Variants in ANO2 observed in about 807,000 individuals in gnomAD.
The protein encoded by ANO2 is anoctamin 2.
In ANO2, 101 loss-of-function variants were observed where a neutral mutation model predicts 124.2. That is an observed-to-expected ratio of 0.81 (90% confidence interval 0.69 to 0.96). The LOEUF is 0.96. Among genes scored for constraint, ANO2 ranks in the 40% least tolerant of loss-of-function variants. ANO2 has a pLI of 0.00. For missense variants in ANO2, 1,293 were observed against 1,274.5 expected (o/e 1.01, Z -0.22); for synonymous variants, 486 against 482.5 (o/e 1.01, Z -0.09).
At chr12:5,695,546 A>G (rs1949132280) in intron 14 of ANO2, among the ~76,000 whole-genome samples, 1 of 152,240 alleles carries the variant, frequency 6.6e-6, no homozygotes, top group Non-Finnish European at 1.5e-5. Flanking sequence ...ACACTTCTAA[A>G]TAACTCACAG....
chr12:5,759,654 T>C (rs1951682867), intron 10 of ANO2, among the ~76,000 whole-genome samples: 1 of 150,208 alleles, frequency 6.7e-6, no homozygotes, highest in African/African-American at 2.5e-5. Context: ...CCTGATGATC[T>C]GAGGTAGAAC....
At chr12:5,594,362 C>A (rs1840972711) in intron 20 of ANO2, among the ~76,000 whole-genome samples, 1 of 152,214 alleles carries the variant, frequency 6.6e-6, no homozygotes, top group South Asian at 2.1e-4. Context: ...CTCCTCTGCA[C>A]TTGCTGCCCA....
intron 14 of ANO2, among the ~76,000 whole-genome samples, chr12:5,648,684 A>G (rs1946764746): frequency 6.6e-6 from 1 of 152,220 alleles, no homozygotes; most frequent in East Asian, 1.9e-4. Context: ...GTTCTATAAA[A>G]TTAGAATTGA....
At chr12:5,843,935 T>C (rs1954605128) in intron 4 of ANO2, among the ~76,000 whole-genome samples, 1 of 152,134 alleles carries the variant, frequency 6.6e-6, no homozygotes, top group Non-Finnish European at 1.5e-5. Flanking sequence ...GGGCTTATGA[T>C]ATATTTGGAA....
chr12:5,701,863 G>A (rs914174054), intron 14 of ANO2, among the ~76,000 whole-genome samples: 2 of 152,140 alleles, frequency 1.3e-5, no homozygotes, highest in Non-Finnish European at 2.9e-5. Context: ...CCTATTTAGA[G>A]CTTTCTCTAG....
At chr12:5,566,333 G>A (rs916121681) in intron 23 of ANO2, among the ~76,000 whole-genome samples, 6 of 152,162 alleles carry the variant, frequency 3.9e-5, no homozygotes, top group Non-Finnish European at 7.3e-5. Flanking sequence ...AAATGTTAAT[G>A]CCTGACGTGA....
chr12:5,706,259 C>T lies in ANO2; in HGVS notation c.1545+26261G>A, dbSNP rs565653645. Among the ~76,000 whole-genome samples, 17 of 152,316 alleles carry T rather than the reference C, an allele frequency of 1.1e-4. 1 individual carries two copies. The South Asian group carries it at 2.7e-3, about 24-fold the overall frequency. On this transcript the variant is annotated intron_variant, in intron 14 of 24. Coordinates refer to ENST00000682330, the MANE Select transcript of ANO2 (RefSeq NM_001364791.2). ...AAAACTCTGAAGTAGCTGTCCATCTCGCTCAGACTAAAATCCAAAGTTCTG... is the reference window on the plus strand; with the variant it reads ...AAAACTCTGAAGTAGCTGTCCATCTTGCTCAGACTAAAATCCAAAGTTCTG...
chr12:5,713,998 C>G (rs1247660251), intron 14 of ANO2, among the ~76,000 whole-genome samples: 1 of 152,184 alleles, frequency 6.6e-6, no homozygotes, highest in Non-Finnish European at 1.5e-5. Context: ...CTGGAAGAAA[C>G]AAAATCCAGT....
chr12:5,629,528 T>C (rs971311797), intron 16 of ANO2, among the ~76,000 whole-genome samples: 1 of 152,206 alleles, frequency 6.6e-6, no homozygotes, highest in African/African-American at 2.4e-5. Flanking sequence ...TCCTGCCTTA[T>C]CCTCCTACCA....
At chr12:5,649,650 G>A (rs1246587436) in intron 14 of ANO2, among the ~76,000 whole-genome samples, 1 of 152,072 alleles carries the variant, frequency 6.6e-6, no homozygotes, top group African/African-American at 2.4e-5. Context: ...TGTTGCCCAG[G>A]CTAGAGTGCA....
At chr12:5,731,618 C>T (rs1244117131) in intron 14 of ANO2, among the ~76,000 whole-genome samples, 4 of 152,014 alleles carry the variant, frequency 2.6e-5, no homozygotes, top group Non-Finnish European at 4.4e-5. Flanking sequence ...CCCACCCCTC[C>T]TCGCTTTCAA....
chr12:5,575,766 C>T (rs534783377), intron 23 of ANO2, 68 bp downstream of exon 23: 328 of 1,519,212 alleles, frequency 2.2e-4, no homozygotes, highest in Middle Eastern at 8.7e-4. Context: ...AATTCTAGGT[C>T]GTCCCCGTAA....
intron 10 of ANO2, among the ~76,000 whole-genome samples, chr12:5,795,170 A>G (rs974342577): frequency 4.6e-5 from 7 of 152,214 alleles, no homozygotes; most frequent in African/African-American, 1.7e-4. Flanking sequence ...CATTCGTGGC[A>G]TGTCAGGCTA....
chr12:5,655,471 G>C (rs1212257343), intron 14 of ANO2, among the ~76,000 whole-genome samples: 1 of 152,202 alleles, frequency 6.6e-6, no homozygotes, highest in Non-Finnish European at 1.5e-5. Context: ...TTTTTAATAA[G>C]TTTTCAGGTA....
chr12:5,797,783 G>A (rs1401647500), intron 10 of ANO2, among the ~76,000 whole-genome samples: 7 of 152,116 alleles, frequency 4.6e-5, no homozygotes, highest in Non-Finnish European at 7.3e-5. Context: ...AGTGTTCCAG[G>A]CCATCTGATC....
chr12:5,719,833 G>T (rs556034768), intron 14 of ANO2, among the ~76,000 whole-genome samples: 49 of 152,106 alleles, frequency 3.2e-4, no homozygotes, highest in Non-Finnish European at 6.6e-4. Context: ...ACTAAGCTCC[G>T]GTTGAGTTGT....
intron 10 of ANO2, among the ~76,000 whole-genome samples, chr12:5,776,896 C>A (rs1377360780): frequency 2.0e-5 from 3 of 152,178 alleles, no homozygotes; most frequent in African/African-American, 7.2e-5. Context: ...AATGCCATAA[C>A]CTGGAGGACA....
intron 3 of ANO2, among the ~76,000 whole-genome samples, chr12:5,891,246 CAGAA>C (rs1939372754): frequency 6.6e-6 from 1 of 152,204 alleles, no homozygotes; most frequent in South Asian, 2.1e-4. Flanking sequence ...TCTTAACACT[CAGAA>C]AGAGTGGAAG....
rs150753173 is a variant in ANO2, at chr12:5,790,391, C to A, written c.1055+9116G>T. 9.2e-5 allele frequency among the ~76,000 whole-genome samples: 14 copies of A among 152,254 alleles called. No individual in the cohort carries two copies. The East Asian group carries it at 2.7e-3, about 29-fold the overall frequency. On this transcript the variant is annotated intron_variant, in intron 10 of 24. Transcript: ENST00000682330. ...TCCTGAATTTCCCCCACCATCATGT[C>A]CCTTGTCTAGCTCAGCCCCGGTGCT...
Sources: gnomAD v4.1 joint callset for allele counts (sites outside exome capture counted in the v4.1 genomes callset) on GRCh38, gnomAD v4.1.1 for gene constraint, MANE v1.5 for transcripts, NCBI Gene and HGNC (gene_info 2026-07-23, HGNC 2026-07-21) for gene names.